CDK19: variants seen among roughly 807,000 people sequenced by gnomAD.
The protein encoded by CDK19 is cyclin-dependent kinase 19.
Under a neutral mutation model 68.3 loss-of-function variants are expected in CDK19, and 20 were observed. That is an observed-to-expected ratio of 0.29 (90% CI 0.21 to 0.43). The LOEUF (loss-of-function observed/expected upper bound fraction) is 0.43. CDK19 is among the 20% of genes least tolerant of loss of function. The pLI is 1.00. For missense variants in CDK19, 339 were observed against 623.5 expected, an observed-to-expected ratio of 0.54 and a Z score of 4.86; for synonymous variants, 221 against 222.8, an observed-to-expected ratio of 0.99 and a Z score of 0.07.
At chr6:110,754,882 C>T (rs3014323) in intron 1 of CDK19, among the ~76,000 whole-genome samples, 5,359 of 152,056 alleles carry the variant, frequency 0.035, 302 homozygotes, top group African/African-American at 0.12. Context: ...TGATGTGAGG[C>T]ATTTATTTCA....
intron 1 of CDK19, among the ~76,000 whole-genome samples, chr6:110,812,812 TAAAA>T (rs66478846): frequency 9.8e-6 from 1 of 101,614 alleles, no homozygotes; most frequent in African/African-American, 3.5e-5. Flanking sequence ...TTTAAAACAG[TAAAA>T]AAAAAAAAAA....
chr6:110,801,357 C>T (rs1047076826), intron 1 of CDK19, among the ~76,000 whole-genome samples: 5 of 152,146 alleles, frequency 3.3e-5, no homozygotes, highest in Admixed American at 1.3e-4. Context: ...TAATGGTGTA[C>T]GCCTGTGGTC....
At chr6:110,754,079 G>C (rs1047249683) in intron 1 of CDK19, among the ~76,000 whole-genome samples, 1 of 149,906 alleles carries the variant, frequency 6.7e-6, no homozygotes, top group African/African-American at 2.5e-5. Flanking sequence ...ACCCAGGTTG[G>C]AGTGCAGTGG....
chr6:110,678,401 T>C (rs1467552236), intron 2 of CDK19, among the ~76,000 whole-genome samples: 2 of 152,094 alleles, frequency 1.3e-5, no homozygotes, highest in Non-Finnish European at 2.9e-5. Context: ...TCCACTACCC[T>C]CTATTCCAGT....
chr6:110,757,307 G>A (rs180906954), intron 1 of CDK19, among the ~76,000 whole-genome samples: 4 of 152,214 alleles, frequency 2.6e-5, no homozygotes, highest in Admixed American at 6.5e-5. Context: ...AAAATTCCCC[G>A]ATAGTAGCAA....
In CDK19 at chr6:110,711,621, T is replaced by G. The variant is rs116337981; in HGVS notation, c.204+34505A>C. Among the ~76,000 whole-genome samples the G allele has an allele frequency of 6.6e-3, 1,000 of 152,260 alleles. 4 individuals carry two copies. Among genetic ancestry groups the G allele is most frequent in the African/African-American group, 9.6e-3 (399 of 41,544 alleles). Reference sequence around the variant, plus strand: ...TTGTAAGTCAAAGGAAAATATCAGGTCTACCTTGATGGAGAATTTATATAT... The same window carrying G: ...TTGTAAGTCAAAGGAAAATATCAGGGCTACCTTGATGGAGAATTTATATAT... On this transcript the variant is annotated intron_variant, in intron 2 of 12. Coordinates refer to ENST00000368911, the MANE Select transcript of CDK19 (RefSeq NM_015076.5).
intron 1 of CDK19, among the ~76,000 whole-genome samples, chr6:110,753,454 G>T (rs1778614157): frequency 6.6e-6 from 1 of 150,848 alleles, no homozygotes; most frequent in African/African-American, 2.4e-5. Context: ...CGCGATCATG[G>T]CTCACTACAG....
chr6:110,807,692 TCAAG>T (rs1266280088), intron 1 of CDK19, among the ~76,000 whole-genome samples: 1 of 152,182 alleles, frequency 6.6e-6, no homozygotes, highest in African/African-American at 2.4e-5. Flanking sequence ...TCTCCTTGCC[TCAAG>T]TGATCTGCCC....
At chr6:110,775,411 TAAAAG>T (rs1780330704) in intron 1 of CDK19, among the ~76,000 whole-genome samples, 1 of 152,018 alleles carries the variant, frequency 6.6e-6, no homozygotes, top group Non-Finnish European at 1.5e-5. Flanking sequence ...GAGGACAACG[TAAAAG>T]AAAAAAGGAG....
intron 6 of CDK19, among the ~76,000 whole-genome samples, chr6:110,629,451 T>C (rs531171873): frequency 6.6e-6 from 1 of 152,118 alleles, no homozygotes; most frequent in Admixed American, 6.5e-5. Flanking sequence ...GCCTCCCGGG[T>C]TCAAGGGGTT....
At chr6:110,618,997 T>C (rs989511699) in intron 12 of CDK19, among the ~76,000 whole-genome samples, 18 of 152,344 alleles carry the variant, frequency 1.2e-4, no homozygotes, top group African/African-American at 3.6e-4. Flanking sequence ...AGTTGATTTT[T>C]CAGCGAACTT....
chr6:110,742,905 T>A (rs1777786035), intron 2 of CDK19, among the ~76,000 whole-genome samples: 1 of 152,164 alleles, frequency 6.6e-6, no homozygotes. Flanking sequence ...CTTTGAAGCA[T>A]GTGATCTTTG....
At chr6:110,658,978 A>G (rs920966816) in intron 4 of CDK19, among the ~76,000 whole-genome samples, 3 of 152,218 alleles carry the variant, frequency 2.0e-5, no homozygotes, top group Non-Finnish European at 4.4e-5. Flanking sequence ...ACTTCTCAGT[A>G]TTCCCCATTT....
At chr6:110,808,389 G>A (rs900102256) in intron 1 of CDK19, among the ~76,000 whole-genome samples, 1 of 152,122 alleles carries the variant, frequency 6.6e-6, no homozygotes, top group African/African-American at 2.4e-5. Flanking sequence ...TCAGCCAACT[G>A]CTTATTTGTA....
chr6:110,646,499 G>C, intron 4 of CDK19: 1 of 1,415,414 alleles, frequency 7.1e-7, no homozygotes, highest in Non-Finnish European at 9.3e-7. Flanking sequence ...CTGTGCCAGC[G>C]TGGTGCCCTG....
intron 2 of CDK19, among the ~76,000 whole-genome samples, chr6:110,714,994 A>G (rs1775261908): frequency 6.6e-6 from 1 of 152,090 alleles, no homozygotes; most frequent in South Asian, 2.1e-4. Context: ...TCGGCCTCCC[A>G]AAGTGCTGGA....
chr6:110,655,760 C>T (rs569875378), intron 4 of CDK19, among the ~76,000 whole-genome samples: 1 of 152,260 alleles, frequency 6.6e-6, no homozygotes, highest in Non-Finnish European at 1.5e-5. Context: ...CTTCAACCAC[C>T]TGATAAGGCT....
chr6:110,623,592 A>G, intron 8 of CDK19: 1 of 193,228 alleles, frequency 5.2e-6, no homozygotes, highest in Non-Finnish European at 9.5e-6. Context: ...ACAGTTATGC[A>G]TTAACCATTA....
At position 110,612,585 on chromosome 6, in the gene CDK19, C is replaced by G. The variant is rs1778083889; in HGVS notation, c.*1950G>C. On this transcript the variant is annotated 3_prime_UTR_variant, in exon 13 of 13. Coordinates refer to ENST00000368911, the MANE Select transcript of CDK19 (RefSeq NM_015076.5). ...TCTGTGTTCTCTACCCAGCAGGGCACCAGGCACATGGTGAGGGTGCAATAA... is the reference window on the plus strand; with the variant it reads ...TCTGTGTTCTCTACCCAGCAGGGCAGCAGGCACATGGTGAGGGTGCAATAA... The G allele has an allele frequency of 6.6e-6, 1 of 152,226 alleles. No individual in the cohort carries two copies. Among genetic ancestry groups the G allele is most frequent in the African/African-American group, 2.4e-5 (1 of 41,440 alleles). The allele number at this position is 152,226 out of a possible 1,614,324, so 9.4% of individuals were successfully genotyped here.
Sources: gnomAD v4.1 joint callset for allele counts (sites outside exome capture counted in the v4.1 genomes callset) on GRCh38, gnomAD v4.1.1 for gene constraint, MANE v1.5 for transcripts, NCBI Gene and HGNC (gene_info 2026-07-23, HGNC 2026-07-21) for gene names.